Variants in CST8 observed in about 807,000 individuals in gnomAD.
CST8 encodes cystatin-8.
Under a neutral mutation model 11.8 loss-of-function variants are expected in CST8, and 20 were observed. The ratio of observed to expected loss-of-function variants is 1.70; its 90% CI spans 1.20 to 2.47. The LOEUF (loss-of-function observed/expected upper bound fraction) is 2.47, where lower values mean the gene tolerates loss of function less well. Ranked by LOEUF, CST8 falls within the 30% of genes most tolerant of loss-of-function variation. CST8 has a pLI of 0.00. For missense variants in CST8, 196 were observed against 167.2 expected (o/e 1.17, Z -0.95); for synonymous variants, 77 against 63.1 (o/e 1.22, Z -1.05).
At chr20:23,500,402 C>T (rs901211925), downstream of CST8, among the ~76,000 whole-genome samples, 3 of 152,160 alleles carry the variant, frequency 2.0e-5, no homozygotes, top group Non-Finnish European at 2.9e-5. Context: ...AGTGCTGTCC[C>T]AGCTTAGCCG....
chr20:23,495,235 T>C (rs976293567), intron 3 of CST8, among the ~76,000 whole-genome samples: 7 of 152,190 alleles, frequency 4.6e-5, no homozygotes, highest in African/African-American at 1.7e-4. Flanking sequence ...TTAGGCTGAC[T>C]TGATGTCTTT....
At position 23,492,900 on chromosome 20, in the gene CST8, C is replaced by G. The variant is rs117969197; in HGVS notation, c.232-58C>G. 7.4e-3 allele frequency: 7,577 copies of G among 1,025,158 alleles called. 424 individuals carry two copies. In the Admixed American group the frequency reaches 0.1, roughly 14 times the overall value. The allele number at this position is 1,025,158 out of a possible 1,614,324, so 63.5% of individuals were successfully genotyped here. ...AGTAAGAGTAATTTTTTTTTTTTGT[C>G]AAAACTTTAAAAAAGTACAACTCTT... On this transcript the variant is annotated intron_variant, in intron 2 of 3. Transcript: ENST00000246012.
Position 23,491,706 on chromosome 20 carries a change from C to T in CST8, c.39C>T (p.Thr13=). The T allele has an allele frequency of 6.2e-7, 1 of 1,614,044 alleles. No individual in the cohort carries two copies. The highest frequency in any genetic ancestry group is 8.5e-7 in the Non-Finnish European group (1 of 1,179,942). The change falls in exon 2 of 4, where the codon ACC becomes ACT. Residue 13 remains threonine (T), a synonymous_variant. Transcript: ENST00000246012. The stretch of plus-strand genomic sequence containing the variant: ...GGTGGCTCTCCCTGATCCTCCTCAC[C>T]ATTCCCCTGGCCCTGGTGGCCAGGA... ...RCRWLSLILL[T]IPLALVARKD...
intron 3 of CST8, among the ~76,000 whole-genome samples, chr20:23,495,380 C>T (rs774471082): frequency 7.2e-5 from 11 of 152,152 alleles, no homozygotes; most frequent in Non-Finnish European, 1.0e-4. Context: ...CACCTCACTG[C>T]TTTTCACAAT....
In CST8 at chr20:23,495,971, C is replaced by A. The variant is rs556293524; in HGVS notation, c.*57C>A. The A allele has an allele frequency of 1.8e-4, 248 of 1,352,542 alleles. 3 individuals are homozygous for A. In the South Asian group the frequency reaches 3.1e-3, roughly 17 times the overall value. 83.8% of individuals were successfully genotyped at this position (1,352,542 alleles called of 1,614,324 possible). A position where few individuals can be genotyped will look rare whatever the true frequency, so the allele number is the denominator to read the frequency against. On this transcript the variant is annotated 3_prime_UTR_variant, in exon 4 of 4. Transcript: ENST00000246012. ...GACTACTTTATCCATGAAAATGAAG[C>A]AATGGCAGGTGGGAGGCTCTTCCCA...
At chr20:23,494,180 T>A (rs1266685145) in intron 3 of CST8, among the ~76,000 whole-genome samples, 1 of 152,234 alleles carries the variant, frequency 6.6e-6, no homozygotes, top group African/African-American at 2.4e-5. Flanking sequence ...TGATCTTTTA[T>A]GCTTGTTTTA....
the CST8 span, among the ~76,000 whole-genome samples, chr20:23,501,724 A>G: frequency 2.0e-5 from 3 of 152,248 alleles, no homozygotes; most frequent in Admixed American, 1.3e-4. Flanking sequence ...GACGCTGATG[A>G]TGGCCACCCA....
At chr20:23,503,284 T>C in the CST8 span, among the ~76,000 whole-genome samples, 2 of 152,170 alleles carry the variant, frequency 1.3e-5, no homozygotes, top group East Asian at 3.9e-4. Flanking sequence ...ACTAATAGAC[T>C]AGAGAGTCTT....
intron 3 of CST8, among the ~76,000 whole-genome samples, chr20:23,493,359 C>T (rs2122191620): frequency 6.6e-6 from 1 of 152,312 alleles, no homozygotes; most frequent in Admixed American, 6.5e-5. Flanking sequence ...CTGGACAACA[C>T]ATAATCACCA....
chr20:23,493,151 C>T (rs1344238420), intron 3 of CST8, 80 bp downstream of exon 3: 3 of 891,006 alleles, frequency 3.4e-6, no homozygotes, highest in African/African-American at 3.3e-5. Context: ...CAGACCTTCT[C>T]TTTGAGGTCT....
chr20:23,502,498 C>G, the CST8 span, among the ~76,000 whole-genome samples: 1 of 152,174 alleles, frequency 6.6e-6, no homozygotes, highest in African/African-American at 2.4e-5. Context: ...CCCCACGTCT[C>G]TGGCCTGAGC....
chr20:23,495,078 T>A (rs1213968033), intron 3 of CST8, among the ~76,000 whole-genome samples: 1 of 152,214 alleles, frequency 6.6e-6, no homozygotes, highest in Non-Finnish European at 1.5e-5. Context: ...GGTTTTCTGT[T>A]TCTGCATTAG....
At chr20:23,504,591 A>C in the CST8 span, among the ~76,000 whole-genome samples, 5 of 152,222 alleles carry the variant, frequency 3.3e-5, no homozygotes, top group African/African-American at 1.2e-4. Flanking sequence ...TTATTTATAG[A>C]TATAAATGTT....
the CST8 span, among the ~76,000 whole-genome samples, chr20:23,502,757 C>T: frequency 1.3e-5 from 2 of 152,212 alleles, no homozygotes; most frequent in Admixed American, 1.3e-4. Flanking sequence ...TCTGATGGAA[C>T]TTCTCTAGGG....
chr20:23,506,939 C>T, the CST8 span, among the ~76,000 whole-genome samples: 1 of 152,212 alleles, frequency 6.6e-6, no homozygotes, highest in Non-Finnish European at 1.5e-5. Flanking sequence ...TTGGAGCTTT[C>T]ATCTATGGTC....
chr20:23,506,658 GAT>G, the CST8 span, among the ~76,000 whole-genome samples: 6 of 152,022 alleles, frequency 3.9e-5, no homozygotes, highest in Middle Eastern at 6.8e-3. Flanking sequence ...AAAAATAAAA[GAT>G]AATTTACAAA....
the CST8 span, among the ~76,000 whole-genome samples, chr20:23,503,520 A>C: frequency 6.6e-6 from 1 of 152,242 alleles, no homozygotes; most frequent in African/African-American, 2.4e-5. Flanking sequence ...TAAGACACCA[A>C]GAAAATACAA....
intron 2 of CST8, among the ~76,000 whole-genome samples, 155 bp downstream of exon 2, chr20:23,492,053 C>T (rs1987902889): frequency 6.6e-6 from 1 of 152,228 alleles, no homozygotes; most frequent in Admixed American, 6.5e-5. Context: ...ATCAATAAGG[C>T]AGTGAACACA....
the CST8 span, among the ~76,000 whole-genome samples, chr20:23,505,541 C>G: frequency 6.6e-6 from 1 of 152,132 alleles, no homozygotes; most frequent in Admixed American, 6.5e-5. Context: ...AAATCACACC[C>G]CAGCCAAGGG....
Sources: allele counts gnomAD v4.1 joint callset (sites outside exome capture counted in the v4.1 genomes callset), GRCh38; gene constraint gnomAD v4.1.1; transcripts MANE v1.5; gene names NCBI Gene and HGNC (gene_info 2026-07-23, HGNC 2026-07-21).